Variants in ARHGAP26 observed in about 807,000 individuals in gnomAD.
ARHGAP26 encodes rho GTPase-activating protein 26.
A neutral mutation model predicts 104.8 loss-of-function variants in ARHGAP26; 38 were observed. That is an observed-to-expected ratio of 0.36 (90% CI 0.28 to 0.48). The LOEUF (loss-of-function observed/expected upper bound fraction) is 0.48. Among genes scored for constraint, ARHGAP26 ranks in the 20% least tolerant of loss-of-function variants. The pLI, the probability that ARHGAP26 is intolerant of heterozygous loss-of-function variation, is 0.99. For missense variants in ARHGAP26, 704 were observed against 947.9 expected, an observed-to-expected ratio of 0.74 and a Z score of 3.38; for synonymous variants, 341 against 340.0, an observed-to-expected ratio of 1.00 and a Z score of -0.03.
intron 14 of ARHGAP26, among the ~76,000 whole-genome samples, chr5:143,047,804 C>A (rs1029329291): frequency 6.6e-6 from 1 of 151,882 alleles, no homozygotes; most frequent in Admixed American, 6.6e-5. Flanking sequence ...TCTTCTTTTT[C>A]TTAAAAAAAT....
At chr5:143,152,534 C>T (rs1799972404) in intron 20 of ARHGAP26, among the ~76,000 whole-genome samples, 1 of 152,246 alleles carries the variant, frequency 6.6e-6, no homozygotes, top group South Asian at 2.1e-4. Flanking sequence ...GCCTGCTTCA[C>T]TTTTATACCT....
intron 17 of ARHGAP26, among the ~76,000 whole-genome samples, chr5:143,107,269 G>A (rs1445113017): frequency 6.6e-6 from 1 of 152,172 alleles, no homozygotes; most frequent in Non-Finnish European, 1.5e-5. Flanking sequence ...GGGTCAGTAG[G>A]CAGGGGCTGG....
At chr5:142,825,968 C>T (rs547716247) in intron 1 of ARHGAP26, among the ~76,000 whole-genome samples, 38 of 152,002 alleles carry the variant, frequency 2.5e-4, no homozygotes, top group Non-Finnish European at 3.4e-4. Flanking sequence ...TTCTGGTGGC[C>T]GAGGAGAGAT....
At chr5:143,122,805 C>T (rs1457854889) in intron 18 of ARHGAP26, among the ~76,000 whole-genome samples, 2 of 152,186 alleles carry the variant, frequency 1.3e-5, no homozygotes, top group Non-Finnish European at 2.9e-5. Flanking sequence ...AGACAAACAA[C>T]TTATTTTTGG....
chr5:142,793,274 T>A (rs979555807), intron 1 of ARHGAP26, among the ~76,000 whole-genome samples: 5 of 147,234 alleles, frequency 3.4e-5, no homozygotes, highest in African/African-American at 5.1e-5. Flanking sequence ...TTTTTTTTTT[T>A]AATCTATCTT....
chr5:142,820,908 C>T (rs1337004980), intron 1 of ARHGAP26, among the ~76,000 whole-genome samples: 5 of 152,122 alleles, frequency 3.3e-5, no homozygotes, highest in Non-Finnish European at 7.4e-5. Flanking sequence ...CTAGGTAGGA[C>T]AGCCAAGATG....
intron 11 of ARHGAP26, among the ~76,000 whole-genome samples, chr5:142,997,576 A>ATTTTT: frequency 8.3e-6 from 1 of 120,674 alleles, no homozygotes; most frequent in Non-Finnish European, 1.7e-5. Flanking sequence ...TGCCTGGCTG[A>ATTTTT]TTTTTTTTTT....
At chr5:142,837,038 G>A (rs189500843) in intron 1 of ARHGAP26, among the ~76,000 whole-genome samples, 62 of 152,268 alleles carry the variant, frequency 4.1e-4, no homozygotes, top group Non-Finnish European at 7.3e-4. Context: ...CTCGCAGAAC[G>A]CATTTGGAAA....
At chr5:143,003,968 C>CAGAGAGACCACAG in intron 11 of ARHGAP26, among the ~76,000 whole-genome samples, 1 of 149,712 alleles carries the variant, frequency 6.7e-6, no homozygotes, top group Admixed American at 6.6e-5. Context: ...AATCACCACA[C>CAGAGAGACCACAG]ATTCAGAGAG....
chr5:142,903,272 G>A (rs954424609), intron 7 of ARHGAP26, among the ~76,000 whole-genome samples: 3 of 151,916 alleles, frequency 2.0e-5, no homozygotes, highest in Admixed American at 6.6e-5. Context: ...ATCCAGAGGT[G>A]CTGAATTGAT....
chr5:143,163,525 A>ACTGCAACCTTTGCCTCC (rs1168405535), intron 20 of ARHGAP26, among the ~76,000 whole-genome samples: 2 of 133,032 alleles, frequency 1.5e-5, no homozygotes, highest in Non-Finnish European at 3.5e-5. Context: ...ATCTTGGCTC[A>ACTGCAACCTTTGCCTCC]CTGCAACCTT....
chr5:143,167,692 G>A (rs1169890306), intron 20 of ARHGAP26, among the ~76,000 whole-genome samples: 1 of 152,008 alleles, frequency 6.6e-6, no homozygotes, highest in East Asian at 1.9e-4. Flanking sequence ...TATTTTCATG[G>A]ATTTTTTTGT....
At chr5:142,835,046 G>T (rs1769278017) in intron 1 of ARHGAP26, among the ~76,000 whole-genome samples, 1 of 152,144 alleles carries the variant, frequency 6.6e-6, no homozygotes, top group Non-Finnish European at 1.5e-5. Flanking sequence ...GGCTAGTAGG[G>T]GATGTATTGT....
chr5:143,007,279 T>C (rs1778128962), intron 11 of ARHGAP26, among the ~76,000 whole-genome samples: 1 of 151,958 alleles, frequency 6.6e-6, no homozygotes, highest in African/African-American at 2.4e-5. Context: ...CTGAGAAATC[T>C]GCCACAGAGT....
At chr5:142,837,572 C>G (rs1769840228) in intron 1 of ARHGAP26, among the ~76,000 whole-genome samples, 1 of 152,182 alleles carries the variant, frequency 6.6e-6, no homozygotes, top group African/African-American at 2.4e-5. Context: ...GCCTTGTGCC[C>G]TGTACTTGCC....
chr5:143,110,656 T>C (rs1055728169), intron 17 of ARHGAP26, among the ~76,000 whole-genome samples: 1 of 152,202 alleles, frequency 6.6e-6, no homozygotes, highest in Non-Finnish European at 1.5e-5. Flanking sequence ...TGATAATGAA[T>C]GTGGAAGCAT....
chr5:143,057,550 A>C, intron 16 of ARHGAP26, 92 bp from the exon 17 acceptor site: 1 of 961,520 alleles, frequency 1.0e-6, no homozygotes, highest in Non-Finnish European at 1.6e-6. Context: ...TTGGGCTGTT[A>C]GTGCTCATCC....
intron 17 of ARHGAP26, among the ~76,000 whole-genome samples, chr5:143,074,586 A>T (rs1405358677): frequency 2.6e-5 from 4 of 152,244 alleles, no homozygotes; most frequent in African/African-American, 9.6e-5. Flanking sequence ...ATAAAGTTTT[A>T]TTGGAACAGA....
intron 10 of ARHGAP26, among the ~76,000 whole-genome samples, chr5:142,918,500 T>C (rs1198405989): frequency 2.0e-5 from 3 of 152,244 alleles, no homozygotes; most frequent in Admixed American, 6.5e-5. Flanking sequence ...TTAATTCTTA[T>C]ATATCTAAGT....
Sources: allele counts gnomAD v4.1 joint callset (sites outside exome capture counted in the v4.1 genomes callset), GRCh38; gene constraint gnomAD v4.1.1; transcripts MANE v1.5; gene names NCBI Gene and HGNC (gene_info 2026-07-23, HGNC 2026-07-21).